The following GAN variants were observed in gnomAD, a reference collection of about 807,000 sequenced individuals.
GAN encodes gigaxonin.
In GAN, 48 loss-of-function variants were observed where a neutral mutation model predicts 71.3. The observed-to-expected ratio is 0.67, with a 90% CI of 0.53 to 0.86. The LOEUF (loss-of-function observed/expected upper bound fraction) is 0.86, where lower values mean the gene tolerates loss of function less well. GAN is among the 40% of genes least tolerant of loss of function. The pLI is 0.00. For synonymous variants in GAN, 386 were observed against 276.8 expected, an observed-to-expected ratio of 1.39 and a Z score of -3.92; for missense variants, 928 against 770.1, an observed-to-expected ratio of 1.21 and a Z score of -2.43.
intron 1 of GAN, among the ~76,000 whole-genome samples, chr16:81,340,713 GGAGAA>G (rs1485245526): frequency 6.7e-6 from 1 of 149,568 alleles, no homozygotes; most frequent in African/African-American, 2.5e-5. Flanking sequence ...ATTCTTTGGA[GGAGAA>G]GAGAATACCT....
At position 81,388,704 on chromosome 16, in the gene GAN, C is replaced by CCT. The variant is rs1567504984; in HGVS notation, c.*11109_*11110insTC. Reference sequence around the variant, plus strand: ...GTCTGTCCGCAGAGCCGGGTGGGGACCCTCCGTGTGGGTCCTCCTCTGTCC... The same window carrying CCT: ...GTCTGTCCGCAGAGCCGGGTGGGGACCTCCTCCGTGTGGGTCCTCCTCTGTCC... On this transcript the variant is annotated 3_prime_UTR_variant, in exon 11 of 11. Transcript: ENST00000648994. 1.3e-5 allele frequency: 2 copies of CCT among 152,330 alleles called. No individual in the cohort carries two copies. Among genetic ancestry groups the CCT allele is most frequent in the African/African-American group, 4.8e-5 (2 of 41,480 alleles). 9.4% of individuals were successfully genotyped at this position (152,330 alleles called of 1,614,324 possible).
chr16:81,364,431 A>G (rs1358797174), intron 7 of GAN, among the ~76,000 whole-genome samples: 1 of 152,156 alleles, frequency 6.6e-6, no homozygotes, highest in Non-Finnish European at 1.5e-5. Context: ...ACACCCAGCT[A>G]ATTTTTGTTT....
rs147925358 is a variant in GAN at position 81,320,190 on chromosome 16, C to T, written c.167+4910C>T. ...CTCACAGATGATACTGATGAAACTA[C>T]TTAAGGAGACTAATAGGATCTCTGT... is the stretch of plus-strand genomic sequence containing the variant. On this transcript the variant is annotated intron_variant, in intron 1 of 10. Coordinates refer to ENST00000648994, the MANE Select transcript of GAN (RefSeq NM_022041.4). 2.4e-3 allele frequency among the ~76,000 whole-genome samples: 366 copies of T among 152,282 alleles called. 2 individuals are homozygous for T. Among genetic ancestry groups the T allele is most frequent in the African/African-American group, 8.3e-3 (345 of 41,546 alleles).
chr16:81,364,464 A>G (rs1182989936), intron 7 of GAN, among the ~76,000 whole-genome samples: 2 of 152,060 alleles, frequency 1.3e-5, no homozygotes, highest in East Asian at 1.9e-4. Context: ...ATAGGGTTTC[A>G]CTATGTTGCC....
At chr16:81,377,148 G>A in intron 9 of GAN, 71 bp from the exon 10 acceptor site, 2 of 925,494 alleles carry the variant, frequency 2.2e-6, no homozygotes, top group South Asian at 2.6e-5. Flanking sequence ...CAAGCTTGCT[G>A]TGTCAGTCTT....
At chr16:81,362,885 C>A (rs1314771633) in intron 6 of GAN, among the ~76,000 whole-genome samples, 2 of 152,222 alleles carry the variant, frequency 1.3e-5, no homozygotes, top group Non-Finnish European at 2.9e-5. Context: ...CCTGCCCCCT[C>A]CTCGCAGCAC....
rs777391437 is a variant in GAN, at chr16:81,364,997, A to G, written c.1260A>G (p.Lys420=). Residue 420 remains lysine, a synonymous_variant, in exon 8 of 11, where the codon AAA becomes AAG. Transcript: ENST00000648994. ...AGATCGGCTGCTATGCAGCTATGAA[A>G]AAGAAAATCTACGCCATGGGTGGAG... is the stretch of plus-strand genomic sequence containing the variant. ...VRKIGCYAAM[K]KKIYAMGGGS... 4.3e-6 allele frequency: 7 copies of G among 1,613,984 alleles called. No individual in the cohort carries two copies. In the African/African-American group the frequency reaches 9.3e-5, roughly 22 times the overall value.
intron 1 of GAN, among the ~76,000 whole-genome samples, chr16:81,328,456 A>G (rs968804099): frequency 6.6e-6 from 1 of 152,240 alleles, no homozygotes; most frequent in Non-Finnish European, 1.5e-5. Context: ...TGCAGGCTGA[A>G]TGATGACACC....
chr16:81,361,394 G>A (rs1567494362), intron 5 of GAN, among the ~76,000 whole-genome samples: 2 of 109,066 alleles, frequency 1.8e-5, no homozygotes, highest in South Asian at 8.8e-4. Flanking sequence ...TGTAAGTTAA[G>A]TTCAAGGCTC....
intron 1 of GAN, among the ~76,000 whole-genome samples, chr16:81,350,706 A>G (rs1310121761): frequency 6.6e-6 from 1 of 151,870 alleles, no homozygotes; most frequent in African/African-American, 2.4e-5. Context: ...TTTAGTAGAG[A>G]TGGGGTTTCA....
At chr16:81,367,110 A>T (rs2608557) in intron 9 of GAN, among the ~76,000 whole-genome samples, 32,373 of 152,158 alleles carry the variant, frequency 0.21, 3,837 homozygotes, top group Non-Finnish European at 0.28. Flanking sequence ...GGCATGAGCC[A>T]CCGCACCTGG....
intron 1 of GAN, among the ~76,000 whole-genome samples, chr16:81,338,938 T>C (rs961405730): frequency 6.6e-6 from 1 of 152,230 alleles, no homozygotes; most frequent in African/African-American, 2.4e-5. Context: ...TGCAGGCTGG[T>C]GATGGTCTGC....
intron 9 of GAN, 87 bp downstream of exon 9, chr16:81,365,565 T>C: frequency 3.8e-6 from 5 of 1,318,928 alleles, no homozygotes; most frequent in Non-Finnish European, 5.5e-6. Context: ...TTGTTTTCAG[T>C]CACTTTATTA....
chr16:81,360,634 C>T (rs2150689202), intron 5 of GAN, among the ~76,000 whole-genome samples: 1 of 151,808 alleles, frequency 6.6e-6, no homozygotes, highest in Non-Finnish European at 1.5e-5. Flanking sequence ...ACTTAATCCA[C>T]CATTACCTTC....
At chr16:81,351,263 GA>G (rs1463813016) in intron 1 of GAN, among the ~76,000 whole-genome samples, 5 of 152,114 alleles carry the variant, frequency 3.3e-5, no homozygotes, top group Non-Finnish European at 5.9e-5. Flanking sequence ...ATTAATTAGA[GA>G]ATTCAATACA....
chr16:81,373,653 A>C (rs1172516349), intron 9 of GAN, among the ~76,000 whole-genome samples: 1 of 152,126 alleles, frequency 6.6e-6, no homozygotes, highest in African/African-American at 2.4e-5. Context: ...CTTTTACTCT[A>C]ATGTCTTTTT....
intron 1 of GAN, among the ~76,000 whole-genome samples, chr16:81,322,488 T>A (rs1909253417): frequency 6.6e-6 from 1 of 152,254 alleles, no homozygotes. Context: ...TTTTTAAAAG[T>A]TGACTGTTGA....
chr16:81,359,847 C>G (rs1910613634), intron 5 of GAN, among the ~76,000 whole-genome samples: 1 of 152,122 alleles, frequency 6.6e-6, no homozygotes, highest in Admixed American at 6.5e-5. Flanking sequence ...ACGACGATAA[C>G]AATATACTGT....
Position 81,389,939 on chromosome 16 carries a change from C to T in GAN, c.*12343C>T, listed in dbSNP as rs1465698391. On this transcript the variant is annotated 3_prime_UTR_variant, in exon 11 of 11. Transcript: ENST00000648994. The stretch of plus-strand genomic sequence containing the variant: ...AAATGCCACGAATACCATATAAATA[C>T]CACACCAATCTGTTGAACATATCTG... 1 of 152,124 alleles carries T rather than the reference C, an allele frequency of 6.6e-6. No homozygotes were observed. Among genetic ancestry groups the T allele is most frequent in the Non-Finnish European group, 1.5e-5 (1 of 68,020 alleles). The allele number at this position is 152,124 out of a possible 1,614,324, so 9.4% of individuals were successfully genotyped here.
Sources: allele counts gnomAD v4.1 joint callset (sites outside exome capture counted in the v4.1 genomes callset), GRCh38; gene constraint gnomAD v4.1.1; transcripts MANE v1.5; gene names NCBI Gene and HGNC (gene_info 2026-07-23, HGNC 2026-07-21).